Variants in NEMP2 observed in about 807,000 individuals in gnomAD.
The protein encoded by NEMP2 is nuclear envelope integral membrane protein 2.
Under a neutral mutation model 54.2 loss-of-function variants are expected in NEMP2, and 53 were observed. The observed-to-expected ratio is 0.98, with a 90% CI of 0.78 to 1.23. The LOEUF (loss-of-function observed/expected upper bound fraction) is 1.23. Ranked by LOEUF, NEMP2 falls within the 50% of genes most tolerant of loss-of-function variation. NEMP2 has a pLI of 0.00. For missense variants in NEMP2, 455 were observed against 511.3 expected, an observed-to-expected ratio of 0.89 and a Z score of 1.06; for synonymous variants, 197 against 190.3, an observed-to-expected ratio of 1.04 and a Z score of -0.29.
At chr2:190,449,681 G>A in the NEMP2 span, among the ~76,000 whole-genome samples, 2 of 152,114 alleles carry the variant, frequency 1.3e-5, no homozygotes, top group Non-Finnish European at 2.9e-5. Context: ...ATACTATGCA[G>A]CCATAAAAAA....
At chr2:190,584,898 T>TGAAAGAAA in the NEMP2 span, among the ~76,000 whole-genome samples, 1,787 of 120,092 alleles carry the variant, frequency 0.015, 19 homozygotes, top group Middle Eastern at 0.019. The surrounding 1 kb of genome is among the most constrained non-coding windows in gnomAD (Gnocchi z 4.2). Context: ...AAAACAACAA[T>TGAAAGAAA]GAAAGAAAGA....
At chr2:190,576,417 G>A in the NEMP2 span, among the ~76,000 whole-genome samples, 3,518 of 152,292 alleles carry the variant, frequency 0.023, 138 homozygotes, top group African/African-American at 0.081. Context: ...TTCAAGGTTT[G>A]TTGATGGAAG....
At chr2:190,474,513 C>A in the NEMP2 span, among the ~76,000 whole-genome samples, 3 of 152,176 alleles carry the variant, frequency 2.0e-5, no homozygotes, top group Admixed American at 2.0e-4. Flanking sequence ...AAGACTAAAC[C>A]AGGAAGAAGT....
At chr2:190,570,000 G>A in the NEMP2 span, among the ~76,000 whole-genome samples, 1 of 152,198 alleles carries the variant, frequency 6.6e-6, no homozygotes, top group African/African-American at 2.4e-5. Flanking sequence ...TTAGGAGTAG[G>A]GAATTGAGAA....
chr2:190,621,654 C>A, the NEMP2 span, among the ~76,000 whole-genome samples: 1 of 151,496 alleles, frequency 6.6e-6, no homozygotes, highest in African/African-American at 2.4e-5. Context: ...TACTACAAAG[C>A]TACAATAATC....
At chr2:190,623,221 T>C in the NEMP2 span, among the ~76,000 whole-genome samples, 1 of 152,054 alleles carries the variant, frequency 6.6e-6, no homozygotes, top group Non-Finnish European at 1.5e-5. Context: ...AGAATTAATA[T>C]CATTAAAATG....
At chr2:190,489,907 G>C in the NEMP2 span, 4 of 1,547,074 alleles carry the variant, frequency 2.6e-6, no homozygotes, top group South Asian at 1.2e-5. This position sits in a 1 kb window ranked among gnomAD's most constrained non-coding sequence, Gnocchi z 6.6. Flanking sequence ...TAACAGTTCA[G>C]GCCATGGGAA....
At position 190,513,385 on chromosome 2, in the gene NEMP2, T is replaced by C. The variant is rs182319607; in HGVS notation, c.953+1068A>G. On this transcript the variant is annotated intron_variant, in intron 7 of 8. Coordinates refer to ENST00000409150, the MANE Select transcript of NEMP2 (RefSeq NM_001142645.2). The surrounding 1 kb of genome is among the most constrained non-coding windows in gnomAD (Gnocchi z 5.3). ...TGAGTGGTAACAGCCCCGTTTTCAA[T>C]GAGGTTGCTTTGTAGAGTTTCCCAC... 3.9e-4 allele frequency among the ~76,000 whole-genome samples: 59 copies of C among 152,308 alleles called. 2 individuals carry two copies. Among genetic ancestry groups the C allele is most frequent in the African/African-American group, 1.3e-3 (55 of 41,560 alleles).
the NEMP2 span, chr2:190,489,802 C>T: frequency 1.2e-6 from 2 of 1,614,166 alleles, no homozygotes; most frequent in African/African-American, 2.7e-5. This position sits in a 1 kb window ranked among gnomAD's most constrained non-coding sequence, Gnocchi z 6.6. Flanking sequence ...TTGGCATGGC[C>T]TGCTTGGTGA....
At chr2:190,637,708 C>G in the NEMP2 span, among the ~76,000 whole-genome samples, 1 of 152,204 alleles carries the variant, frequency 6.6e-6, no homozygotes, top group Non-Finnish European at 1.5e-5. The surrounding 1 kb of genome is among the most constrained non-coding windows in gnomAD (Gnocchi z 4.5). Flanking sequence ...CTACCCAAAC[C>G]AGAACCATCA....
chr2:190,467,844 G>A, the NEMP2 span, among the ~76,000 whole-genome samples: 2 of 152,144 alleles, frequency 1.3e-5, no homozygotes, highest in Non-Finnish European at 2.9e-5. This position sits in a 1 kb window ranked among gnomAD's most constrained non-coding sequence, Gnocchi z 5.5. Context: ...TTGGAACATG[G>A]CCATGCTCAT....
chr2:190,580,897 G>T, the NEMP2 span, among the ~76,000 whole-genome samples: 7 of 152,156 alleles, frequency 4.6e-5, no homozygotes, highest in Non-Finnish European at 8.8e-5. This position sits in a 1 kb window ranked among gnomAD's most constrained non-coding sequence, Gnocchi z 5.3. Flanking sequence ...GACATTTGAG[G>T]ACATGGAGTA....
the NEMP2 span, chr2:190,436,409 G>C: frequency 6.2e-7 from 1 of 1,613,942 alleles, no homozygotes; most frequent in Non-Finnish European, 8.5e-7. The surrounding 1 kb of genome is among the most constrained non-coding windows in gnomAD (Gnocchi z 5.3). Context: ...GTTGCAGACC[G>C]CTTTAAAAAA....
the NEMP2 span, among the ~76,000 whole-genome samples, chr2:190,598,231 T>A: frequency 6.6e-6 from 1 of 152,186 alleles, no homozygotes; most frequent in South Asian, 2.1e-4. Context: ...AACCACTGTT[T>A]AAGGCTGAGA....
chr2:190,518,927 T>G (rs1690658828), intron 3 of NEMP2, 25 bp downstream of exon 3: 1 of 1,535,128 alleles, frequency 6.5e-7, no homozygotes, highest in African/African-American at 1.4e-5. Flanking sequence ...ATCCAGAAAG[T>G]CAAGTATAAT....
At chr2:190,428,304 T>C in the NEMP2 span, among the ~76,000 whole-genome samples, 1 of 152,226 alleles carries the variant, frequency 6.6e-6, no homozygotes, top group South Asian at 2.1e-4. Context: ...TGAACATGTT[T>C]ATAGATGTCT....
rs1691124278 is a variant in NEMP2, at chr2:190,530,951, G to T, written c.97+3608C>A. ...GGCCAAGGCAGGTGGATCCCTTAAGGCCAGGAATTTGAGACCAGCCTGGGC... is the reference window on the plus strand; with the variant it reads ...GGCCAAGGCAGGTGGATCCCTTAAGTCCAGGAATTTGAGACCAGCCTGGGC... On this transcript the variant is annotated intron_variant, in intron 1 of 8. Coordinates refer to ENST00000409150, the MANE Select transcript of NEMP2 (RefSeq NM_001142645.2). The surrounding 1 kb of genome is among the most constrained non-coding windows in gnomAD (Gnocchi z 4.6). Among the ~76,000 whole-genome samples, 1 of 152,156 alleles carries T rather than the reference G, an allele frequency of 6.6e-6. No homozygotes were observed. Among genetic ancestry groups the T allele is most frequent in the Non-Finnish European group, 1.5e-5 (1 of 68,028 alleles).
chr2:190,590,664 T>C, the NEMP2 span, among the ~76,000 whole-genome samples: 1 of 152,204 alleles, frequency 6.6e-6, no homozygotes. This position sits in a 1 kb window ranked among gnomAD's most constrained non-coding sequence, Gnocchi z 5.1. Context: ...GAGAGTTATA[T>C]AGACTTATTT....
chr2:190,588,851 C>T, the NEMP2 span, among the ~76,000 whole-genome samples: 16 of 152,138 alleles, frequency 1.1e-4, no homozygotes, highest in East Asian at 9.6e-4. The surrounding 1 kb of genome is among the most constrained non-coding windows in gnomAD (Gnocchi z 5.0). Context: ...ACAAAATTCA[C>T]GGGCCTGTTG....
Sources: allele counts gnomAD v4.1 joint callset (sites outside exome capture counted in the v4.1 genomes callset), GRCh38; gene constraint gnomAD v4.1.1; non-coding constraint Gnocchi (gnomAD v3.1); transcripts MANE v1.5; gene names NCBI Gene and HGNC (gene_info 2026-07-23, HGNC 2026-07-21).